PPP2R2B: variants seen among roughly 807,000 people sequenced by gnomAD.
The protein encoded by PPP2R2B is protein phosphatase 2 regulatory subunit Bbeta.
Under a neutral mutation model 46.0 loss-of-function variants are expected in PPP2R2B, and 5 were observed. That is an observed-to-expected ratio of 0.11 (90% CI 0.06 to 0.23). The LOEUF (loss-of-function observed/expected upper bound fraction) is 0.23, where lower values mean the gene tolerates loss of function less well. Ranked by LOEUF, PPP2R2B falls within the 10% of genes least tolerant of loss-of-function variation. The pLI is 1.00. For synonymous variants in PPP2R2B, 215 were observed against 206.7 expected, an observed-to-expected ratio of 1.04 and a Z score of -0.34; for missense variants, 367 against 575.0, an observed-to-expected ratio of 0.64 and a Z score of 3.70.
At chr5:146,701,751 C>A (rs535849320) in intron 2 of PPP2R2B, among the ~76,000 whole-genome samples, 5 of 152,232 alleles carry the variant, frequency 3.3e-5, no homozygotes, top group Non-Finnish European at 5.9e-5. Context: ...CTTATTTCAA[C>A]CCCAGGAGAA....
chr5:147,071,851 T>C (rs1248699207), intron 2 of PPP2R2B, among the ~76,000 whole-genome samples: 1 of 152,202 alleles, frequency 6.6e-6, no homozygotes, highest in Non-Finnish European at 1.5e-5. Flanking sequence ...GCCAAGCACA[T>C]AGTAGGTGCT....
intron 1 of PPP2R2B, chr5:147,040,705 G>A (rs1157797954): frequency 1.8e-5 from 8 of 442,382 alleles, no homozygotes; most frequent in Middle Eastern, 3.3e-4. Flanking sequence ...GTGTGAGGAA[G>A]GTAGCACTTA....
intron 4 of PPP2R2B, among the ~76,000 whole-genome samples, chr5:146,694,986 T>C (rs1007400229): frequency 1.3e-5 from 2 of 152,052 alleles, no homozygotes; most frequent in Non-Finnish European, 2.9e-5. Flanking sequence ...TTTATAATAG[T>C]GAGAATTTGT....
At chr5:146,722,503 T>C (rs773417972) in intron 2 of PPP2R2B, among the ~76,000 whole-genome samples, 2 of 152,174 alleles carry the variant, frequency 1.3e-5, no homozygotes, top group Non-Finnish European at 2.9e-5. Context: ...TCAGAAGGCA[T>C]AGCCTGGCTG....
chr5:146,759,493 T>C (rs975539230), intron 2 of PPP2R2B, among the ~76,000 whole-genome samples: 2 of 152,218 alleles, frequency 1.3e-5, no homozygotes, highest in Non-Finnish European at 2.9e-5. Context: ...AACAGAATTC[T>C]GATTGTTCTG....
rs182325570 is a variant in PPP2R2B at position 146,949,011 on chromosome 5, T to C, written c.79+106654A>G. The stretch of plus-strand genomic sequence containing the variant: ...GTTTGGGGTCATGTATCTGTACTTG[T>C]AACAGAACTTCATGGGTAATTCCTG... On this transcript the variant is annotated intron_variant, in intron 1 of 8. Coordinates refer to the PPP2R2B transcript ENST00000336640. Among the ~76,000 whole-genome samples, 3 of 152,234 alleles carry C rather than the reference T, an allele frequency of 2.0e-5. No homozygotes were observed. The East Asian group carries it at 5.8e-4, about 29-fold the overall frequency.
At chr5:146,943,964 A>G (rs1022538870) in intron 1 of PPP2R2B, among the ~76,000 whole-genome samples, 2 of 152,160 alleles carry the variant, frequency 1.3e-5, no homozygotes, top group African/African-American at 2.4e-5. Context: ...AGCCTCATTG[A>G]CATGTGTTCA....
intron 1 of PPP2R2B, among the ~76,000 whole-genome samples, chr5:146,946,139 G>A (rs139042099): frequency 1.7e-3 from 266 of 152,230 alleles, no homozygotes; most frequent in African/African-American, 5.6e-3. Context: ...CGCTGTAGCC[G>A]CTTAAGCAAC....
intron 2 of PPP2R2B, among the ~76,000 whole-genome samples, chr5:146,770,262 C>T (rs1256119859): frequency 7.8e-6 from 1 of 128,486 alleles, no homozygotes; most frequent in Non-Finnish European, 1.6e-5. Flanking sequence ...ACCAGGCAGG[C>T]GGAGGTTGCA....
At chr5:146,761,430 C>T (rs1754157105) in intron 2 of PPP2R2B, among the ~76,000 whole-genome samples, 2 of 152,038 alleles carry the variant, frequency 1.3e-5, no homozygotes, top group Non-Finnish European at 2.9e-5. Context: ...ATCCAAACAC[C>T]ACAAGTTTTC....
intron 2 of PPP2R2B, among the ~76,000 whole-genome samples, chr5:147,078,477 T>C (rs1757861375): frequency 6.6e-6 from 1 of 151,992 alleles, no homozygotes; most frequent in African/African-American, 2.4e-5. Flanking sequence ...CAGAATTAAC[T>C]GGGTAAACTC....
At position 146,582,888 on chromosome 5, in the gene PPP2R2B, C is replaced by G. The variant is rs1014657924; in HGVS notation, c.*7059G>C. On this transcript the variant is annotated 3_prime_UTR_variant, in exon 10 of 10. Coordinates refer to ENST00000394411, the MANE Select transcript of PPP2R2B (RefSeq NM_181675.4). ...TTGCGAAGTTTGGAAACCATATTTCCTCATTTTAGTGCCTCATAGCCTGGC... is the reference window on the plus strand; with the variant it reads ...TTGCGAAGTTTGGAAACCATATTTCGTCATTTTAGTGCCTCATAGCCTGGC... 1.3e-5 allele frequency: 2 copies of G among 152,206 alleles called. No homozygotes were observed. Among genetic ancestry groups the G allele is most frequent in the African/African-American group, 2.4e-5 (1 of 41,446 alleles). 9.4% of individuals were successfully genotyped at this position (152,206 alleles called of 1,614,324 possible).
At chr5:146,635,586 C>A (rs146607243) in intron 7 of PPP2R2B, among the ~76,000 whole-genome samples, 1 of 152,210 alleles carries the variant, frequency 6.6e-6, no homozygotes, top group Non-Finnish European at 1.5e-5. Flanking sequence ...CCCGTGCCAT[C>A]CCTGGCCTCC....
intron 2 of PPP2R2B, among the ~76,000 whole-genome samples, chr5:146,718,319 T>C (rs754634475): frequency 1.3e-5 from 2 of 151,948 alleles, no homozygotes; most frequent in Non-Finnish European, 2.9e-5. Flanking sequence ...GCCCAGGAGG[T>C]TGAGGCTGCA....
intron 1 of PPP2R2B, among the ~76,000 whole-genome samples, chr5:146,956,273 T>C (rs6580445): frequency 0.53 from 79,864 of 151,848 alleles, 23,167 homozygotes; most frequent in Non-Finnish European, 0.65. Flanking sequence ...TTTTGCACAA[T>C]TTATTCTCCT....
intron 8 of PPP2R2B, among the ~76,000 whole-genome samples, chr5:146,595,086 T>G (rs913284508): frequency 2.0e-5 from 3 of 152,180 alleles, no homozygotes; most frequent in African/African-American, 7.2e-5. Flanking sequence ...ACTCTGCAAA[T>G]TAATTTTCCC....
chr5:146,959,839 T>C (rs1370293601), intron 1 of PPP2R2B, among the ~76,000 whole-genome samples: 1 of 152,032 alleles, frequency 6.6e-6, no homozygotes, highest in Admixed American at 6.5e-5. Flanking sequence ...GAGAACCAGC[T>C]GACATACTAA....
At chr5:146,960,018 T>C (rs1158281858) in intron 1 of PPP2R2B, among the ~76,000 whole-genome samples, 1 of 152,176 alleles carries the variant, frequency 6.6e-6, no homozygotes, top group Non-Finnish European at 1.5e-5. Context: ...TGATCACTTT[T>C]AGTTGATTGC....
chr5:146,981,006 A>G (rs1753148925), intron 1 of PPP2R2B, among the ~76,000 whole-genome samples: 1 of 152,328 alleles, frequency 6.6e-6, no homozygotes, highest in South Asian at 2.1e-4. Flanking sequence ...AGATATCTAC[A>G]TCTAGAAAGG....
Sources: gnomAD v4.1 joint callset for allele counts (sites outside exome capture counted in the v4.1 genomes callset) on GRCh38, gnomAD v4.1.1 for gene constraint, MANE v1.5 for transcripts, NCBI Gene and HGNC (gene_info 2026-07-23, HGNC 2026-07-21) for gene names.